Variants in KCNN1 observed in about 807,000 individuals in gnomAD.
KCNN1 encodes small conductance calcium-activated potassium channel protein 1.
KCNN1 carries 20 observed loss-of-function variants against 44.7 expected under a neutral mutation model. That is an observed-to-expected ratio of 0.45 (90% CI 0.32 to 0.65). KCNN1 has a LOEUF of 0.65. Ranked by LOEUF, KCNN1 falls within the 30% of genes least tolerant of loss-of-function variation. The pLI, the probability that KCNN1 is intolerant of heterozygous loss-of-function variation, is 0.05. For synonymous variants in KCNN1, 324 were observed against 341.7 expected (o/e 0.95, Z 0.57); for missense variants, 632 against 785.3 (o/e 0.80, Z 2.33).
chr19:17,977,190 T>C (rs991803390), intron 3 of KCNN1, among the ~76,000 whole-genome samples: 1 of 152,150 alleles, frequency 6.6e-6, no homozygotes, highest in Non-Finnish European at 1.5e-5. Context: ...CTGGCAATTT[T>C]GGGGGTTCTC....
chr19:17,987,191 C>G (rs1258104925), intron 5 of KCNN1, among the ~76,000 whole-genome samples: 1 of 151,842 alleles, frequency 6.6e-6, no homozygotes, highest in Non-Finnish European at 1.5e-5. Context: ...CTCACTGCAA[C>G]CTTCCCCTCC....
intron 9 of KCNN1, among the ~76,000 whole-genome samples, chr19:17,994,464 A>T (rs551575186): frequency 6.6e-6 from 1 of 151,526 alleles, no homozygotes; most frequent in South Asian, 2.1e-4. Flanking sequence ...AAAAAAAAGC[A>T]AGAAAGAAAT....
chr19:17,962,858 C>T (rs1376872397), upstream of KCNN1, among the ~76,000 whole-genome samples: 1 of 151,924 alleles, frequency 6.6e-6, no homozygotes, highest in Non-Finnish European at 1.5e-5. Context: ...AGCGCCACCA[C>T]GCCTGGCTAA....
chr19:17,986,822 A>G (rs1287967369), intron 5 of KCNN1, among the ~76,000 whole-genome samples: 1 of 150,408 alleles, frequency 6.6e-6, no homozygotes, highest in Non-Finnish European at 1.5e-5. Flanking sequence ...TTTTTTCCTC[A>G]TTGAGATGGA....
At position 17,998,335 on chromosome 19, in the gene KCNN1, G is replaced by A. The variant is rs750683613; in HGVS notation, c.1561G>A (p.Gly521Ser). 78 of 1,425,836 alleles carry A rather than the reference G, an allele frequency of 5.5e-5. No homozygotes were observed. Among genetic ancestry groups the A allele is most frequent in the African/African-American group, 1.4e-4 (9 of 66,418 alleles). 88.3% of individuals were successfully genotyped at this position (1,425,836 alleles called of 1,614,324 possible). A position where few individuals can be genotyped will look rare whatever the true frequency, so the allele number is the denominator to read the frequency against. ...TCCCCTGCCTCCCAGGCCCGGCCCC[G>A]GCCCCCAAGACCAGGCAGCCCGGAG... The part of the protein sequence containing the change: ...PPPLPPRPGP[G>S]PQDQAARSSP... Residue 521 changes from glycine (G) to serine (S), a missense_variant, in exon 10 of 10, where the codon GGC (glycine) becomes AGC (serine). Coordinates refer to ENST00000684775, the MANE Select transcript of KCNN1 (RefSeq NM_001386974.1). The surrounding 1 kb of genome is among the most constrained non-coding windows in gnomAD (Gnocchi z 5.4).
intron 5 of KCNN1, among the ~76,000 whole-genome samples, chr19:17,985,753 G>A (rs919620263): frequency 6.6e-6 from 1 of 152,204 alleles, no homozygotes; most frequent in African/African-American, 2.4e-5. Flanking sequence ...GAGAGTCACT[G>A]TCACCCCTTT....
At position 17,993,565 on chromosome 19, in the gene KCNN1, T is replaced by C. The variant is rs750026871; in HGVS notation, c.1377+6T>C. ...CGCTTACCGACCTAGCCAAGGTGAG[T>C]GGGTTGGGGCAGGGTGGGCCAGACA... On this transcript the variant is annotated splice_donor_region_variant and intron_variant, in intron 9 of 9. Transcript: ENST00000684775. The surrounding 1 kb of genome is among the most constrained non-coding windows in gnomAD (Gnocchi z 4.5). 5 of 1,606,888 alleles carry C rather than the reference T, an allele frequency of 3.1e-6. No individual in the cohort carries two copies. Among genetic ancestry groups the C allele is most frequent in the South Asian group, 1.1e-5 (1 of 90,866 alleles).
chr19:17,974,056 CG>C lies in KCNN1; in HGVS notation c.170del (p.Gly57AlafsTer66). ...AKSEPARPSPGSPRGQPQDQD... is the reference protein window; with the variant it reads ...AKSEPARPSPXSPRGQPQDQD... Reference sequence around the variant, plus strand: ...AGAGTGAGCCAGCCCGGCCCTCACCCGGCAGCCCCCGGGGGCAGCCCCAGGA... The same window carrying C: ...AGAGTGAGCCAGCCCGGCCCTCACCCGCAGCCCCCGGGGGCAGCCCCAGGA... On this transcript the variant is annotated frameshift_variant, in exon 2 of 10. Coordinates refer to ENST00000684775, the MANE Select transcript of KCNN1 (RefSeq NM_001386974.1). The surrounding 1 kb of genome is among the most constrained non-coding windows in gnomAD (Gnocchi z 7.3). 1 of 1,610,600 alleles carries C rather than the reference CG, an allele frequency of 6.2e-7. No homozygotes were observed. Among genetic ancestry groups the C allele is most frequent in the Non-Finnish European group, 8.5e-7 (1 of 1,179,414 alleles).
intron 3 of KCNN1, among the ~76,000 whole-genome samples, chr19:17,976,777 G>A (rs2032221996): frequency 6.7e-6 from 1 of 149,506 alleles, no homozygotes; most frequent in Non-Finnish European, 1.5e-5. Flanking sequence ...GTGCAGTGGC[G>A]CGATCTTGGC....
chr19:17,963,693 CT>C (rs1369559799), upstream of KCNN1, among the ~76,000 whole-genome samples: 3 of 150,982 alleles, frequency 2.0e-5, no homozygotes, highest in Admixed American at 1.3e-4. Flanking sequence ...GTTCTTTCAA[CT>C]TTTTTGGATC....
intron 6 of KCNN1, 87 bp from the exon 7 acceptor site, chr19:17,989,629 T>C: frequency 1.9e-6 from 3 of 1,591,828 alleles, no homozygotes; most frequent in South Asian, 2.3e-5. Context: ...CAGAAGTTTC[T>C]AGAGGTTTCT....
intron 5 of KCNN1, among the ~76,000 whole-genome samples, chr19:17,985,671 C>A (rs1287260517): frequency 6.6e-6 from 1 of 152,186 alleles, no homozygotes; most frequent in East Asian, 1.9e-4. Context: ...CATCTCCATG[C>A]GGTCCTTCCA....
At chr19:17,995,675 T>C (rs2032962753) in intron 9 of KCNN1, among the ~76,000 whole-genome samples, 1 of 152,108 alleles carries the variant, frequency 6.6e-6, no homozygotes, top group Non-Finnish European at 1.5e-5. Flanking sequence ...AGCCTCCATC[T>C]CCTAGGTTTA....
intron 1 of KCNN1, among the ~76,000 whole-genome samples, chr19:17,953,352 A>C (rs1008746540): frequency 2.6e-5 from 4 of 152,190 alleles, no homozygotes; most frequent in African/African-American, 9.7e-5. Context: ...GGCTAGGGTC[A>C]GCACCAAGTC....
intron 2 of KCNN1, among the ~76,000 whole-genome samples, chr19:17,955,172 G>A (rs903750757): frequency 6.6e-6 from 1 of 150,750 alleles, no homozygotes; most frequent in African/African-American, 2.4e-5. Context: ...CCAGGAGTTC[G>A]AGGCTGCAGT....
upstream of KCNN1, among the ~76,000 whole-genome samples, chr19:17,966,372 C>T (rs577590525): frequency 6.6e-6 from 1 of 152,322 alleles, no homozygotes; most frequent in South Asian, 2.1e-4. Context: ...ACCCACTGGT[C>T]CCCAAAGCTC....
chr19:17,982,576 T>C (rs2032455003), intron 4 of KCNN1: 3 of 985,210 alleles, frequency 3.0e-6, no homozygotes, highest in Non-Finnish European at 3.6e-6. Context: ...AGGGAAAACA[T>C]GTGAGTCCCA....
rs1364088832 is a variant in KCNN1 at position 17,961,257 on chromosome 19, C to T, written c.-82+6576C>T. ...GCCAGAACTAACCCACTATGACCCC[C>T]TCTTCATTTAACTACATCTGCAAAA... On this transcript the variant is annotated intron_variant, in intron 2 of 10. Transcript: ENST00000222249. 2.0e-5 allele frequency among the ~76,000 whole-genome samples: 3 copies of T among 151,526 alleles called. No individual in the cohort carries two copies. In the East Asian group the frequency reaches 5.8e-4, roughly 29 times the overall value.
chr19:17,951,727 C>A (rs1328135325), intron 1 of KCNN1, among the ~76,000 whole-genome samples: 2 of 152,214 alleles, frequency 1.3e-5, no homozygotes, highest in African/African-American at 2.4e-5. Context: ...GACCTTCCAG[C>A]CCGGTCAACG....
Sources: allele counts gnomAD v4.1 joint callset (sites outside exome capture counted in the v4.1 genomes callset), GRCh38; gene constraint gnomAD v4.1.1; non-coding constraint Gnocchi (gnomAD v3.1); transcripts MANE v1.5; gene names NCBI Gene and HGNC (gene_info 2026-07-23, HGNC 2026-07-21).